Variants in ABCB5 observed in about 807,000 individuals in gnomAD.
ABCB5 encodes ATP binding cassette subfamily B member 5.
Under a neutral mutation model 144.2 loss-of-function variants are expected in ABCB5, and 155 were observed. The observed-to-expected ratio is 1.08, with a 90% CI of 0.94 to 1.23. ABCB5 has a LOEUF of 1.23. ABCB5 is among the 50% of genes most tolerant of loss of function. ABCB5 has a pLI of 0.00. For missense variants in ABCB5, 1,830 were observed against 1,520.8 expected (o/e 1.20, Z -3.38); for synonymous variants, 610 against 528.6 (o/e 1.15, Z -2.11).
At chr7:20,661,534 CTTTT>C (rs367733404) in intron 14 of ABCB5, among the ~76,000 whole-genome samples, 17 of 132,360 alleles carry the variant, frequency 1.3e-4, no homozygotes, top group African/African-American at 1.6e-4. Flanking sequence ...TCTTTCTTTT[CTTTT>C]TCTTTTTTTT....
chr7:20,744,806 G>T (rs1386958351), intron 25 of ABCB5, among the ~76,000 whole-genome samples: 1 of 151,800 alleles, frequency 6.6e-6, no homozygotes, highest in Non-Finnish European at 1.5e-5. Flanking sequence ...CTACAAAAGG[G>T]AAAGAGCTTT....
At chr7:20,731,368 A>AT (rs1188015535) in intron 23 of ABCB5, among the ~76,000 whole-genome samples, 4,119 of 71,366 alleles carry the variant, frequency 0.058, 102 homozygotes, top group African/African-American at 0.11. Context: ...AAAAAAAAAA[A>AT]AATATATATA....
chr7:20,660,615 C>A (rs1376734253), intron 14 of ABCB5, among the ~76,000 whole-genome samples: 1 of 152,138 alleles, frequency 6.6e-6, no homozygotes, highest in Non-Finnish European at 1.5e-5. Context: ...TGGAACCAAG[C>A]CCTTGGAGGG....
intron 20 of ABCB5, among the ~76,000 whole-genome samples, chr7:20,710,389 G>GT (rs1192761397): frequency 8.4e-6 from 1 of 118,806 alleles, no homozygotes; most frequent in Non-Finnish European, 1.8e-5. Context: ...AAAGTGGGGG[G>GT]GGGGCATGAC....
intron 11 of ABCB5, among the ~76,000 whole-genome samples, chr7:20,648,961 T>A (rs1454754527): frequency 6.6e-6 from 1 of 152,238 alleles, no homozygotes; most frequent in Non-Finnish European, 1.5e-5. Context: ...TGCAACTGTA[T>A]TTGGATTGGC....
intron 16 of ABCB5, among the ~76,000 whole-genome samples, chr7:20,690,545 G>A (rs1054402765): frequency 1.3e-5 from 2 of 152,168 alleles, no homozygotes; most frequent in African/African-American, 4.8e-5. Context: ...TTATTCAGAA[G>A]GGCACATGGT....
rs761484109 is a variant in ABCB5 at position 20,677,029 on chromosome 7, TATTA to T, written c.1708-4471_1708-4468del. Among the ~76,000 whole-genome samples, 68 of 152,358 alleles carry T rather than the reference TATTA, an allele frequency of 4.5e-4. 2 individuals are homozygous for T. The highest frequency in any genetic ancestry group is 3.8e-3 in the Admixed American group (58 of 15,298). On this transcript the variant is annotated intron_variant, in intron 14 of 27. Transcript: ENST00000404938. ...TTTTGTAGTTAATTACCTTGTAATG[TATTA>T]ATTATTATAGTTACATCCATCATGA...
At chr7:20,622,889 A>G (rs1783828602) in intron 1 of ABCB5, among the ~76,000 whole-genome samples, 2 of 152,148 alleles carry the variant, frequency 1.3e-5, no homozygotes, top group Non-Finnish European at 2.9e-5. Context: ...TTTAAAGAGA[A>G]AACAGCATGA....
rs1333678512 is a variant in ABCB5, at chr7:20,632,081, G to T, written c.282G>T (p.Gln94His). 6 of 1,525,930 alleles carry T rather than the reference G, an allele frequency of 3.9e-6. No individual in the cohort carries two copies. Among genetic ancestry groups the T allele is most frequent in the Non-Finnish European group, 5.3e-6 (6 of 1,135,458 alleles). 94.5% of individuals were successfully genotyped at this position (1,525,930 alleles called of 1,614,324 possible). Residue 94 changes from glutamine (Q) to histidine (H), a missense_variant, in exon 5 of 28, where the codon CAG (glutamine) becomes CAT (histidine). Transcript: ENST00000404938. ...TNTTNYQNCT[Q>H]SQEKLNEDMT... ...CAGCAAATTATCAGAACTGTACTCAGTCTCAAGAGAAGCTGAATGAAGATA... is the reference window on the plus strand; with the variant it reads ...CAGCAAATTATCAGAACTGTACTCATTCTCAAGAGAAGCTGAATGAAGATA...
In ABCB5 at chr7:20,727,113, A is replaced by T; in HGVS notation, c.2699A>T (p.Tyr900Phe). Residue 900 changes from tyrosine to phenylalanine, a missense_variant, in exon 22 of 28, where the codon TAT becomes TTT. Coordinates refer to ENST00000404938, the MANE Select transcript of ABCB5 (RefSeq NM_001163941.2). ...AGGGAAAAAGCCTTCGAGCAAATGT[A>T]TGAAGAGATGCTTCAGACTCAACAC... ...LTREKAFEQMYEEMLQTQHRN... is the reference protein window; with the variant it reads ...LTREKAFEQMFEEMLQTQHRN... 1 of 1,613,590 alleles carries T rather than the reference A, an allele frequency of 6.2e-7. No homozygotes were observed. The highest frequency in any genetic ancestry group is 8.5e-7 in the Non-Finnish European group (1 of 1,179,706).
intron 16 of ABCB5, among the ~76,000 whole-genome samples, chr7:20,686,853 C>T (rs1786019033): frequency 6.6e-6 from 1 of 152,266 alleles, no homozygotes; most frequent in Admixed American, 6.5e-5. Flanking sequence ...TCCTTGGTCT[C>T]ATCTGTCAAT....
At chr7:20,719,762 T>A (rs1050462187) in intron 20 of ABCB5, among the ~76,000 whole-genome samples, 2 of 152,182 alleles carry the variant, frequency 1.3e-5, no homozygotes, top group African/African-American at 4.8e-5. Flanking sequence ...ATCAATCTAT[T>A]AAAGACAATG....
Position 20,683,385 on chromosome 7 carries a change from C to T in ABCB5, c.1869+1719C>T, listed in dbSNP as rs149770698. 5.2e-4 allele frequency among the ~76,000 whole-genome samples: 79 copies of T among 152,066 alleles called. No homozygotes were observed. In the East Asian group the frequency reaches 8.9e-3, roughly 17 times the overall value. On this transcript the variant is annotated intron_variant, in intron 15 of 27. Coordinates refer to ENST00000404938, the MANE Select transcript of ABCB5 (RefSeq NM_001163941.2). ...ATTCCACAGTAGACCTAATAATTTA[C>T]GAGGTTTAATATTTTGAAACTAATA...
chr7:20,619,219 G>T (rs1251203226), intron 1 of ABCB5, among the ~76,000 whole-genome samples: 2 of 152,096 alleles, frequency 1.3e-5, no homozygotes, highest in Non-Finnish European at 2.9e-5. Context: ...GGAATTGTTG[G>T]GTTGAATGGT....
chr7:20,704,502 T>C (rs1410286275), intron 19 of ABCB5, among the ~76,000 whole-genome samples: 1 of 152,194 alleles, frequency 6.6e-6, no homozygotes, highest in Non-Finnish European at 1.5e-5. Flanking sequence ...TGGTGATGAG[T>C]AATGAGTCCA....
chr7:20,667,340 C>A, intron 14 of ABCB5: 1 of 984,628 alleles, frequency 1.0e-6, no homozygotes. Context: ...TGAAGTGAAT[C>A]CCCTGTGAAG....
At chr7:20,658,389 A>G in intron 13 of ABCB5, 117 bp from the exon 14 acceptor site, 1 of 859,530 alleles carries the variant, frequency 1.2e-6, no homozygotes, top group South Asian at 2.1e-5. Context: ...ATAAGCACCC[A>G]GAGGCTGAAG....
chr7:20,734,693 G>C (rs139613676), intron 23 of ABCB5, among the ~76,000 whole-genome samples: 1 of 151,998 alleles, frequency 6.6e-6, no homozygotes, highest in African/African-American at 2.4e-5. Flanking sequence ...GGTAGAAGCC[G>C]TCTCTATTTC....
In ABCB5 at chr7:20,712,158, C is replaced by CAAAAAAAAAA. The variant is rs34938819; in HGVS notation, c.2421+7366_2421+7375dup. ...CCTGGGTGACACAGCAAGACGCCGT[C>CAAAAAAAAAA]AAAAAAAAAAAAAAAAAAAAAAAAG... is the stretch of plus-strand genomic sequence containing the variant. On this transcript the variant is annotated intron_variant, in intron 20 of 27. Coordinates refer to ENST00000404938, the MANE Select transcript of ABCB5 (RefSeq NM_001163941.2). Among the ~76,000 whole-genome samples, 53 of 52,644 alleles carry CAAAAAAAAAA rather than the reference C, an allele frequency of 1.0e-3. 2 individuals are homozygous for CAAAAAAAAAA. The highest frequency in any genetic ancestry group is 4.3e-3 in the African/African-American group (53 of 12,226). The allele number at this position is 52,644 out of a possible 152,430, so 34.5% of individuals were successfully genotyped here. A position where few individuals can be genotyped will look rare whatever the true frequency, so the allele number is the denominator to read the frequency against.
Sources: gnomAD v4.1 joint callset for allele counts (sites outside exome capture counted in the v4.1 genomes callset) on GRCh38, gnomAD v4.1.1 for gene constraint, MANE v1.5 for transcripts, NCBI Gene and HGNC (gene_info 2026-07-23, HGNC 2026-07-21) for gene names.